FBXL2: variants seen among roughly 807,000 people sequenced by gnomAD.
FBXL2 encodes F-box/LRR-repeat protein 2.
In FBXL2, 38 loss-of-function variants were observed where a neutral mutation model predicts 69.2. The observed-to-expected ratio is 0.55, with a 90% CI of 0.42 to 0.72. The LOEUF is 0.72. Ranked by LOEUF, FBXL2 falls within the 30% of genes least tolerant of loss-of-function variation. FBXL2 has a pLI of 0.00. For synonymous variants in FBXL2, 192 were observed against 201.3 expected, an observed-to-expected ratio of 0.95 and a Z score of 0.39; for missense variants, 354 against 520.3, an observed-to-expected ratio of 0.68 and a Z score of 3.11.
intron 1 of FBXL2, among the ~76,000 whole-genome samples, chr3:33,285,442 A>G (rs1443187836): frequency 6.6e-6 from 1 of 152,206 alleles, no homozygotes; most frequent in African/African-American, 2.4e-5. Context: ...CTTTGTGGGT[A>G]ACCCGACCTT....
At chr3:33,315,097 A>G (rs2037556591) in intron 2 of FBXL2, among the ~76,000 whole-genome samples, 1 of 152,206 alleles carries the variant, frequency 6.6e-6, no homozygotes, top group South Asian at 2.1e-4. Flanking sequence ...TGTGCTCAAA[A>G]GTCAAGATTC....
chr3:33,384,827 TC>T (rs1208091886), intron 14 of FBXL2, among the ~76,000 whole-genome samples: 2 of 151,900 alleles, frequency 1.3e-5, no homozygotes, highest in African/African-American at 4.8e-5. Context: ...GATCACAAGG[TC>T]AAGGGTTCGA....
intron 14 of FBXL2, 26 bp downstream of exon 14, chr3:33,384,227 C>A: frequency 6.3e-7 from 1 of 1,599,618 alleles, no homozygotes; most frequent in South Asian, 1.1e-5. Flanking sequence ...GGGAGTCAGT[C>A]ACACCTGACA....
chr3:33,291,592 A>T (rs918454433), intron 1 of FBXL2, among the ~76,000 whole-genome samples: 1 of 152,196 alleles, frequency 6.6e-6, no homozygotes, highest in African/African-American at 2.4e-5. Flanking sequence ...TCCAACAGTA[A>T]GTGCACAACA....
intron 12 of FBXL2, chr3:33,393,185 C>A: frequency 9.6e-7 from 1 of 1,037,812 alleles, no homozygotes; most frequent in East Asian, 2.8e-5. Context: ...AAAGTGATTC[C>A]CAACTCTCTG....
chr3:33,296,087 A>G (rs112837577), intron 1 of FBXL2, among the ~76,000 whole-genome samples: 2 of 152,100 alleles, frequency 1.3e-5, no homozygotes, highest in African/African-American at 2.4e-5. Flanking sequence ...TGTTTCTGAG[A>G]CAGGGTCTTG....
chr3:33,277,404 G>C (rs1033159861), upstream of FBXL2: 539 of 1,185,318 alleles, frequency 4.5e-4, 1 homozygote, highest in Non-Finnish European at 5.3e-4. Context: ...GGCCGCCTCC[G>C]AGCCCACCTT....
Position 33,302,537 on chromosome 3 carries a change from G to T in FBXL2, c.65+4812G>T, listed in dbSNP as rs539739158. ...TTCAGATGTTAGTGATGAAGTAAAA[G>T]CACATGTAAAACCCCTCATAGGAGA... On this transcript the variant is annotated intron_variant, in intron 2 of 14. Coordinates refer to ENST00000484457, the MANE Select transcript of FBXL2 (RefSeq NM_012157.5). 2.6e-5 allele frequency among the ~76,000 whole-genome samples: 4 copies of T among 152,122 alleles called. No homozygotes were observed. The South Asian group carries it at 8.3e-4, about 31-fold the overall frequency.
Position 33,387,015 on chromosome 3 carries a change from C to A in FBXL2, c.*1407C>A, listed in dbSNP as rs533598767. ...AAGGATATATTATGTCAGCTGCATT[C>A]TAGGAAGAGAAGCAGATTATATATA... is the stretch of plus-strand genomic sequence containing the variant. On this transcript the variant is annotated 3_prime_UTR_variant, in exon 15 of 15. Transcript: ENST00000484457. The A allele has an allele frequency of 6.6e-6, 1 of 152,070 alleles. No individual in the cohort carries two copies. The highest frequency in any genetic ancestry group is 1.5e-5 in the Non-Finnish European group (1 of 68,016). The allele number at this position is 152,070 out of a possible 1,614,324, so 9.4% of individuals were successfully genotyped here.
chr3:33,395,978 G>A (rs1048191128), intron 12 of FBXL2, among the ~76,000 whole-genome samples: 3 of 152,126 alleles, frequency 2.0e-5, no homozygotes, highest in Admixed American at 1.3e-4. Flanking sequence ...AAGAATGCCA[G>A]TTTCCTCTTC....
chr3:33,295,873 T>G (rs1436502765), intron 1 of FBXL2, among the ~76,000 whole-genome samples: 1 of 152,252 alleles, frequency 6.6e-6, no homozygotes, highest in African/African-American at 2.4e-5. Flanking sequence ...ACATATCTTC[T>G]TTGCAGAAAT....
At chr3:33,333,923 A>ATT in intron 2 of FBXL2, among the ~76,000 whole-genome samples, 1 of 150,462 alleles carries the variant, frequency 6.6e-6, no homozygotes, top group South Asian at 2.1e-4. Context: ...TACTAACAAG[A>ATT]TTTTTTTTTT....
At chr3:33,322,139 G>A (rs559808056) in intron 2 of FBXL2, among the ~76,000 whole-genome samples, 16 of 133,730 alleles carry the variant, frequency 1.2e-4, no homozygotes, top group Non-Finnish European at 1.7e-4. Context: ...GTGCAGTGGC[G>A]CCATCTTGGC....
intron 4 of FBXL2, among the ~76,000 whole-genome samples, chr3:33,360,060 T>C (rs2041501195): frequency 6.6e-6 from 1 of 152,172 alleles, no homozygotes. Flanking sequence ...TCTGAAGTGC[T>C]GGTTTGAGGG....
chr3:33,280,713 C>CAA (rs34093056), intron 1 of FBXL2, among the ~76,000 whole-genome samples: 61 of 81,332 alleles, frequency 7.5e-4, no homozygotes, highest in African/African-American at 2.7e-3. Context: ...GCCCTGTATC[C>CAA]AAAAAAAAAA....
At chr3:33,402,737 A>G in intron 12 of FBXL2, 2 of 1,191,612 alleles carry the variant, frequency 1.7e-6, no homozygotes, top group Non-Finnish European at 2.3e-6. Context: ...ACATGGAGAG[A>G]TGGGGAAATG....
At chr3:33,377,979 A>G in intron 11 of FBXL2, 124 bp from the exon 12 acceptor site, 1 of 893,720 alleles carries the variant, frequency 1.1e-6, no homozygotes, top group South Asian at 1.4e-5. Context: ...CTTTAGGAAG[A>G]GGGCATACTT....
chr3:33,363,743 G>C (rs760087261), intron 4 of FBXL2, among the ~76,000 whole-genome samples: 1 of 152,138 alleles, frequency 6.6e-6, no homozygotes, highest in Non-Finnish European at 1.5e-5. Context: ...CCTCCATTTT[G>C]GGAGTGTTCA....
At position 33,359,231 on chromosome 3, in the gene FBXL2, T is replaced by A. The variant is rs879008498; in HGVS notation, c.121-52T>A. 30 of 1,478,526 alleles carry A rather than the reference T, an allele frequency of 2.0e-5. No individual in the cohort carries two copies. The South Asian group carries it at 2.8e-4, about 14-fold the overall frequency. The allele number at this position is 1,478,526 out of a possible 1,614,324, so 91.6% of individuals were successfully genotyped here. A position where few individuals can be genotyped will look rare whatever the true frequency, so the allele number is the denominator to read the frequency against. On this transcript the variant is annotated intron_variant, in intron 3 of 14. Transcript: ENST00000484457. Reference sequence around the variant, plus strand: ...TCAAGACTTTCTTTAATAGTCTCAATAAATGTGTTTCTTTCATCCCAATCC... The same window carrying A: ...TCAAGACTTTCTTTAATAGTCTCAAAAAATGTGTTTCTTTCATCCCAATCC...
Sources: gnomAD v4.1 joint callset for allele counts (sites outside exome capture counted in the v4.1 genomes callset) on GRCh38, gnomAD v4.1.1 for gene constraint, MANE v1.5 for transcripts, NCBI Gene and HGNC (gene_info 2026-07-23, HGNC 2026-07-21) for gene names.